The following DHX30 variants were observed in gnomAD, a reference collection of about 807,000 sequenced individuals.
The protein encoded by DHX30 is DExH-box helicase 30.
Under a neutral mutation model 116.9 loss-of-function variants are expected in DHX30, and 4 were observed. The ratio of observed to expected loss-of-function variants is 0.03; its 90% CI spans 0.02 to 0.08. The LOEUF (loss-of-function observed/expected upper bound fraction) is 0.08, where lower values mean the gene tolerates loss of function less well. Among genes scored for constraint, DHX30 ranks in the 10% least tolerant of loss-of-function variants. The pLI, the probability that DHX30 is intolerant of heterozygous loss-of-function variation, is 1.00. For missense variants in DHX30, 871 were observed against 1,595.1 expected (o/e 0.55, Z 7.73); for synonymous variants, 697 against 651.7 (o/e 1.07, Z -1.06).
chr3:47,844,243 G>A (rs1011127955), intron 9 of DHX30, among the ~76,000 whole-genome samples: 1 of 152,242 alleles, frequency 6.6e-6, no homozygotes, highest in African/African-American at 2.4e-5. Flanking sequence ...GAGGTAACAA[G>A]AACCTGGAGA....
intron 2 of DHX30, among the ~76,000 whole-genome samples, chr3:47,807,703 CAAAA>C (rs1202083372): frequency 3.1e-5 from 1 of 32,732 alleles, no homozygotes; most frequent in Non-Finnish European, 5.6e-5. Flanking sequence ...GACTCTGTCT[CAAAA>C]AAAAAAAAAA....
At chr3:47,849,806 C>G in intron 21 of DHX30, 37 bp downstream of exon 21, 1 of 1,607,906 alleles carries the variant, frequency 6.2e-7, no homozygotes, top group Middle Eastern at 1.7e-4. Flanking sequence ...CCCCGCTCTG[C>G]AGCTGCTCCT....
Position 47,841,829 on chromosome 3 carries a change from G to T in DHX30, c.789+92G>T, listed in dbSNP as rs1033239136. On this transcript the variant is annotated intron_variant, in intron 8 of 21. Coordinates refer to ENST00000445061, the MANE Select transcript of DHX30 (RefSeq NM_138615.3). ...GGCAGGTTTAGAGAGGGCTGAGGGG[G>T]TGTGTTCCTCCAGCCCAAACCTAGG... is the stretch of plus-strand genomic sequence containing the variant. 5 of 1,572,582 alleles carry T rather than the reference G, an allele frequency of 3.2e-6. No homozygotes were observed. The African/African-American group carries it at 5.4e-5, about 17-fold the overall frequency.
intron 6 of DHX30, among the ~76,000 whole-genome samples, chr3:47,837,449 C>T (rs949967173): frequency 2.6e-5 from 4 of 152,132 alleles, no homozygotes; most frequent in Non-Finnish European, 5.9e-5. Flanking sequence ...AGAATACCAG[C>T]GGCAGCTGTG....
At chr3:47,826,975 A>G (rs1233216186) in intron 4 of DHX30, among the ~76,000 whole-genome samples, 1 of 151,750 alleles carries the variant, frequency 6.6e-6, no homozygotes, top group African/African-American at 2.4e-5. Flanking sequence ...TTGTTTTTGT[A>G]TTTTTTGCTT....
rs2037650836 is a variant in DHX30 at position 47,847,198 on chromosome 3, G to A, written c.1930-75G>A. The stretch of plus-strand genomic sequence containing the variant: ...TGATGTCAAGCGGCTCCGTCTCACT[G>A]AGTCAGGTGGCTGTGTCCTTGGCAT... On this transcript the variant is annotated intron_variant, in intron 11 of 21. Coordinates refer to ENST00000445061, the MANE Select transcript of DHX30 (RefSeq NM_138615.3). The surrounding 1 kb of genome is among the most constrained non-coding windows in gnomAD (Gnocchi z 5.5). 3 of 1,587,646 alleles carry A rather than the reference G, an allele frequency of 1.9e-6. 1 individual carries two copies. In the South Asian group the frequency reaches 3.3e-5, roughly 18 times the overall value.
In DHX30 at chr3:47,848,666, G is replaced by A. The variant is rs1559724427; in HGVS notation, c.2618G>A (p.Arg873His). 2 of 1,614,100 alleles carry A rather than the reference G, an allele frequency of 1.2e-6. No individual in the cohort carries two copies. The highest frequency in any genetic ancestry group is 1.7e-6 in the Non-Finnish European group (2 of 1,179,990). Residue 873 changes from arginine (R) to histidine (H), a missense_variant, in exon 17 of 22, where the codon CGC becomes CAC. Coordinates refer to ENST00000445061, the MANE Select transcript of DHX30 (RefSeq NM_138615.3). The surrounding 1 kb of genome is among the most constrained non-coding windows in gnomAD (Gnocchi z 9.4). Reference sequence around the variant, plus strand: ...GAGTACCTGACTACCCTGGGGCAGCGCCTGGCTCACATCTCCACCGACCCC... The same window carrying A: ...GAGTACCTGACTACCCTGGGGCAGCACCTGGCTCACATCTCCACCGACCCC... ...QREYLTTLGQRLAHISTDPRL... is the reference protein window; with the variant it reads ...QREYLTTLGQHLAHISTDPRL...
chr3:47,819,268 A>G (rs1308862388), intron 4 of DHX30: 4 of 1,367,740 alleles, frequency 2.9e-6, no homozygotes, highest in Non-Finnish European at 3.9e-6. Context: ...ATGGCAGGTG[A>G]GTGGCTCTGA....
At chr3:47,824,454 T>C (rs1392356786) in intron 4 of DHX30, among the ~76,000 whole-genome samples, 2 of 152,150 alleles carry the variant, frequency 1.3e-5, no homozygotes, top group African/African-American at 4.8e-5. Context: ...GATTTTCTTT[T>C]TCGTTTTTTA....
chr3:47,843,072 A>G, intron 8 of DHX30, 34 bp from the exon 9 acceptor site: 1 of 1,610,460 alleles, frequency 6.2e-7, no homozygotes, highest in Non-Finnish European at 8.5e-7. Flanking sequence ...CATTCCCTAC[A>G]TTTCTGTAAC....
intron 5 of DHX30, among the ~76,000 whole-genome samples, chr3:47,828,532 G>A (rs1227119640): frequency 2.0e-5 from 3 of 151,820 alleles, no homozygotes; most frequent in Non-Finnish European, 4.4e-5. Flanking sequence ...AGCACTTTGG[G>A]AGGCCGAGGT....
chr3:47,818,208 C>A, intron 4 of DHX30, 91 bp downstream of exon 4: 1 of 709,882 alleles, frequency 1.4e-6, no homozygotes. Context: ...AGGGCCACAG[C>A]CCTCCAGAAA....
intron 7 of DHX30, 86 bp from the exon 8 acceptor site, chr3:47,841,531 A>AGCGTC: frequency 6.3e-7 from 1 of 1,575,288 alleles, no homozygotes; most frequent in Non-Finnish European, 8.6e-7. Flanking sequence ...GCTGCAGCGC[A>AGCGTC]GCGTCCTCAC....
intron 21 of DHX30, 42 bp from the exon 22 acceptor site, chr3:47,849,825 T>C (rs2038022151): frequency 1.2e-6 from 2 of 1,608,836 alleles, no homozygotes; most frequent in Admixed American, 3.3e-5. Context: ...CTCCGGGGCC[T>C]GGCCTCACCA....
Position 47,818,067 on chromosome 3 carries a change from G to A in DHX30, c.74G>A (p.Arg25His), listed in dbSNP as rs143620188. The change falls in exon 4 of 22, where the codon CGC (arginine) becomes CAC (histidine). Residue 25 changes from arginine to histidine, a missense_variant. By Grantham distance (29) the Arg-to-His change is conservative. This residue lies in a region of DHX30 where 66 missense variants were observed against 153.9 expected (regional missense o/e 0.43). Transcript: ENST00000445061. ...RQRQCKLPPP[R>H]LPPMCVNPTP... ...CGTCAGTGCAAACTTCCCCCACCCC[G>A]CCTTCCACCCATGTGTGTCAACCCT... 9.0e-6 allele frequency: 7 copies of A among 780,848 alleles called. No homozygotes were observed. Among genetic ancestry groups the A allele is most frequent in the African/African-American group, 3.4e-5 (2 of 59,112 alleles). 48.4% of individuals were successfully genotyped at this position (780,848 alleles called of 1,614,324 possible). A position where few individuals can be genotyped will look rare whatever the true frequency, so the allele number is the denominator to read the frequency against.
intron 6 of DHX30, among the ~76,000 whole-genome samples, chr3:47,839,173 A>G (rs1311510624): frequency 6.6e-6 from 1 of 152,174 alleles, no homozygotes; most frequent in Admixed American, 6.6e-5. Context: ...TTTCTGTAGA[A>G]AAGCATGAAG....
rs1188837164 is a variant in DHX30, at chr3:47,848,983, G to A, written c.2833G>A (p.Gly945Ser). The change falls in exon 18 of 22, where the codon GGC becomes AGC. Residue 945 changes from glycine (G) to serine (S), a missense_variant. Gly to Ser is a moderately conservative substitution (Grantham distance 56). This residue lies in a region of DHX30 where 238 missense variants were observed against 481.0 expected (regional missense o/e 0.49). Transcript: ENST00000445061. This position sits in a 1 kb window ranked among gnomAD's most constrained non-coding sequence, Gnocchi z 9.4. The stretch of plus-strand genomic sequence containing the variant: ...CCTGGCCTTTGTGCGGGCTGTCGCC[G>A]GCTGGGAGGAGGTGCTGCGTTGGCA... ...DHLAFVRAVA[G>S]WEEVLRWQDR... is the part of the protein sequence containing the mutation. 1.9e-6 allele frequency: 3 copies of A among 1,613,510 alleles called. No individual in the cohort carries two copies. The highest frequency in any genetic ancestry group is 2.5e-6 in the Non-Finnish European group (3 of 1,179,756).
chr3:47,822,556 G>T (rs1462911482), intron 4 of DHX30, among the ~76,000 whole-genome samples: 1 of 152,148 alleles, frequency 6.6e-6, no homozygotes, highest in African/African-American at 2.4e-5. Flanking sequence ...GGAGGCCGAG[G>T]TGGGTGGATC....
intron 6 of DHX30, among the ~76,000 whole-genome samples, chr3:47,834,994 T>G (rs764063623): frequency 5.3e-5 from 8 of 151,896 alleles, no homozygotes; most frequent in Non-Finnish European, 1.2e-4. Context: ...AGGAACTTCT[T>G]TATTTTTTAT....
Sources: gnomAD v4.1 joint callset for allele counts (sites outside exome capture counted in the v4.1 genomes callset) on GRCh38, gnomAD v4.1.1 for gene constraint, gnomAD v4.1.1 regional missense constraint, Gnocchi (gnomAD v3.1) non-coding constraint, MANE v1.5 for transcripts, NCBI Gene and HGNC (gene_info 2026-07-23, HGNC 2026-07-21) for gene names.